DIP2C: variants seen among roughly 807,000 people sequenced by gnomAD.
The protein encoded by DIP2C is disco-interacting protein 2 homolog C.
A neutral mutation model predicts 192.4 loss-of-function variants in DIP2C; 33 were observed. The ratio of observed to expected loss-of-function variants is 0.17; its 90% CI spans 0.13 to 0.23. The LOEUF is 0.23. Ranked by LOEUF, DIP2C falls within the 10% of genes least tolerant of loss-of-function variation. DIP2C has a pLI of 1.00. For missense variants in DIP2C, 1,537 were observed against 2,110.1 expected, an observed-to-expected ratio of 0.73 and a Z score of 5.32; for synonymous variants, 979 against 864.1, an observed-to-expected ratio of 1.13 and a Z score of -2.33.
intron 1 of DIP2C, among the ~76,000 whole-genome samples, chr10:619,254 C>T (rs1041727471): frequency 6.6e-6 from 1 of 152,206 alleles, no homozygotes; most frequent in African/African-American, 2.4e-5. Context: ...TATTAAATCA[C>T]CCCAAACTTA....
intron 1 of DIP2C, among the ~76,000 whole-genome samples, chr10:524,288 C>T (rs1419655272): frequency 6.6e-6 from 1 of 152,090 alleles, no homozygotes; most frequent in Non-Finnish European, 1.5e-5. Context: ...CTGTGTGAGG[C>T]CTGGAACGCG....
At position 414,884 on chromosome 10, in the gene DIP2C, GTGTGTGTATA is replaced by G. The variant is rs576167959; in HGVS notation, c.860-784_860-775del. On this transcript the variant is annotated intron_variant, in intron 7 of 36. Coordinates refer to ENST00000280886, the MANE Select transcript of DIP2C (RefSeq NM_014974.3). ...TGTGTGTGTGTGTGTGTGTGTGTGT[GTGTGTGTATA>G]TATATATATATATTTTTTTTTTTTT... is the stretch of plus-strand genomic sequence containing the variant. Among the ~76,000 whole-genome samples the G allele has an allele frequency of 4.4e-3, 283 of 64,016 alleles. 5 individuals are homozygous for G. Among genetic ancestry groups the G allele is most frequent in the South Asian group, 9.9e-3 (14 of 1,412 alleles). 42.0% of individuals were successfully genotyped at this position (64,016 alleles called of 152,430 possible).
At chr10:575,986 C>A (rs867851851) in intron 1 of DIP2C, among the ~76,000 whole-genome samples, 14 of 152,374 alleles carry the variant, frequency 9.2e-5, no homozygotes, top group African/African-American at 3.1e-4. Flanking sequence ...GCTACTCCTG[C>A]ACGTGGGTGC....
chr10:607,642 G>A (rs1469768185), intron 1 of DIP2C, among the ~76,000 whole-genome samples: 2 of 152,126 alleles, frequency 1.3e-5, no homozygotes, highest in African/African-American at 4.8e-5. Flanking sequence ...TCATCCAGAG[G>A]CAGCCCATCT....
At chr10:481,781 G>T (rs575873934) in intron 2 of DIP2C, among the ~76,000 whole-genome samples, 1 of 152,132 alleles carries the variant, frequency 6.6e-6, no homozygotes, top group African/African-American at 2.4e-5. Context: ...ATCCATCCTC[G>T]TACCACGGTA....
rs532874255 is a variant in DIP2C at position 414,962 on chromosome 10, G to C, written c.859+807C>G. Among the ~76,000 whole-genome samples, 6 of 138,964 alleles carry C rather than the reference G, an allele frequency of 4.3e-5. No individual in the cohort carries two copies. The Admixed American group carries it at 4.5e-4, about 10-fold the overall frequency. 91.2% of individuals were successfully genotyped at this position (138,964 alleles called of 152,430 possible). ...TTGCCATATTGCCCAGGCTGGTCTC[G>C]AACTCCCAGGCTCAAGTGATCTGCC... On this transcript the variant is annotated intron_variant, in intron 7 of 36. Transcript: ENST00000280886.
At chr10:397,403 G>A (rs912386389) in intron 10 of DIP2C, among the ~76,000 whole-genome samples, 3 of 152,038 alleles carry the variant, frequency 2.0e-5, no homozygotes, top group Non-Finnish European at 4.4e-5. Flanking sequence ...GGTGGCACAC[G>A]CCTGTAATCT....
chr10:511,298 G>A lies in DIP2C; in HGVS notation c.86-24768C>T, dbSNP rs1211140228. On this transcript the variant is annotated intron_variant, in intron 1 of 36. Transcript: ENST00000280886. ...CCAGCGGCTTCCTCCAAGGGGAAGC[G>A]GCCTCTTCAGCTGCCACAGCACTGA... Among the ~76,000 whole-genome samples, 7 of 152,146 alleles carry A rather than the reference G, an allele frequency of 4.6e-5. No individual in the cohort carries two copies. The South Asian group carries it at 6.2e-4, about 14-fold the overall frequency.
At chr10:531,147 C>T (rs770191598) in intron 1 of DIP2C, among the ~76,000 whole-genome samples, 11 of 152,208 alleles carry the variant, frequency 7.2e-5, no homozygotes, top group Non-Finnish European at 1.5e-4. Flanking sequence ...TCAAATGTTA[C>T]GCTCGCCCCA....
chr10:303,827 G>GT (rs1195803261), intron 32 of DIP2C, among the ~76,000 whole-genome samples: 7 of 152,134 alleles, frequency 4.6e-5, no homozygotes, highest in Non-Finnish European at 1.0e-4. Context: ...CTGGCCGAAA[G>GT]TTTTTTACTT....
chr10:535,605 T>C (rs911655798), intron 1 of DIP2C, among the ~76,000 whole-genome samples: 3 of 152,192 alleles, frequency 2.0e-5, no homozygotes, highest in Non-Finnish European at 2.9e-5. Flanking sequence ...AGATTCAGTG[T>C]GATCCCACAC....
At chr10:443,910 TAC>T (rs1967940671) in intron 3 of DIP2C, among the ~76,000 whole-genome samples, 1 of 152,182 alleles carries the variant, frequency 6.6e-6, no homozygotes, top group South Asian at 2.1e-4. Flanking sequence ...GTACAAAGTA[TAC>T]ACAGTGAAAT....
intron 36 of DIP2C, among the ~76,000 whole-genome samples, chr10:280,887 GTTTGTTTTCTTCCTA>G (rs1954786804): frequency 6.6e-6 from 1 of 152,144 alleles, no homozygotes; most frequent in Non-Finnish European, 1.5e-5. Flanking sequence ...TATGTGTGAG[GTTTGTTTTCTTCCTA>G]TATCATGATT....
chr10:429,254 C>G (rs1203340204), intron 4 of DIP2C, among the ~76,000 whole-genome samples: 10 of 25,120 alleles, frequency 4.0e-4, no homozygotes, highest in African/African-American at 8.8e-4. Context: ...CTGCCTCCCC[C>G]CCGGACCCTG....
intron 1 of DIP2C, among the ~76,000 whole-genome samples, chr10:613,311 G>A (rs578226467): frequency 5.3e-5 from 8 of 152,212 alleles, no homozygotes; most frequent in African/African-American, 1.4e-4. Flanking sequence ...CCTAGAAAAC[G>A]TCAGCTAGAG....
chr10:579,550 C>T (rs929621358), intron 1 of DIP2C, among the ~76,000 whole-genome samples: 13 of 151,824 alleles, frequency 8.6e-5, no homozygotes, highest in Non-Finnish European at 1.9e-4. Context: ...ATAAAGTGTA[C>T]ATACATAGGT....
intron 1 of DIP2C, among the ~76,000 whole-genome samples, chr10:524,966 T>TAAAAAAAAAAAAAAAAAAAAAAAAA (rs1564818283): frequency 3.7e-5 from 1 of 26,744 alleles, no homozygotes; most frequent in Non-Finnish European, 5.9e-5. Flanking sequence ...AATCACAATT[T>TAAAAAAAAAAAAAAAAAAAAAAAAA]CAAAAAAAAA....
At chr10:435,558 C>G (rs141086156) in intron 4 of DIP2C, among the ~76,000 whole-genome samples, 1 of 152,206 alleles carries the variant, frequency 6.6e-6, no homozygotes, top group Non-Finnish European at 1.5e-5. Flanking sequence ...TTGGAGCTTT[C>G]TGCTCCAGTG....
chr10:470,863 C>A (rs774850154), intron 3 of DIP2C, among the ~76,000 whole-genome samples: 5 of 152,172 alleles, frequency 3.3e-5, no homozygotes, highest in African/African-American at 1.2e-4. Context: ...CCCCCACTGG[C>A]CTCTGTGAGA....
Sources: gnomAD v4.1 joint callset for allele counts (sites outside exome capture counted in the v4.1 genomes callset) on GRCh38, gnomAD v4.1.1 for gene constraint, MANE v1.5 for transcripts, NCBI Gene and HGNC (gene_info 2026-07-23, HGNC 2026-07-21) for gene names.